DPH6: variants seen among roughly 807,000 people sequenced by gnomAD.
DPH6 encodes diphthine--ammonia ligase.
Under a neutral mutation model 38.2 loss-of-function variants are expected in DPH6, and 33 were observed. That is an observed-to-expected ratio of 0.86 (90% CI 0.65 to 1.15). The LOEUF (loss-of-function observed/expected upper bound fraction) is 1.15. Among genes scored for constraint, DPH6 ranks in the 50% most tolerant of loss-of-function variants. The pLI, the probability that DPH6 is intolerant of heterozygous loss-of-function variation, is 0.00. For synonymous variants in DPH6, 108 were observed against 103.0 expected, an observed-to-expected ratio of 1.05 and a Z score of -0.30; for missense variants, 325 against 320.0, an observed-to-expected ratio of 1.02 and a Z score of -0.12.
At chr15:35,315,309 A>T (rs1339098116) in intron 3 of DPH6, among the ~76,000 whole-genome samples, 1 of 152,246 alleles carries the variant, frequency 6.6e-6, no homozygotes, top group Non-Finnish European at 1.5e-5. Flanking sequence ...ATGCTTTCCA[A>T]GAGTTTGTTG....
intron 3 of DPH6, among the ~76,000 whole-genome samples, chr15:35,363,708 C>T (rs1044216912): frequency 1.3e-5 from 2 of 151,706 alleles, no homozygotes; most frequent in African/African-American, 4.8e-5. Flanking sequence ...TACTGTTTTG[C>T]CTTTTTTCTT....
In DPH6 at chr15:35,356,183, T is replaced by C. The variant is rs186354606; in HGVS notation, n.207+17338A>G. On this transcript the variant is annotated intron_variant and non_coding_transcript_variant, in intron 3 of 3. Coordinates refer to the DPH6 transcript ENST00000558973. ...ATTGGTTATTCTAGTTAGTCAGTCA[T>C]GTAATCTTTTCTCAAGGTTTTTAAC... Among the ~76,000 whole-genome samples, 27 of 152,310 alleles carry C rather than the reference T, an allele frequency of 1.8e-4. No individual in the cohort carries two copies. In the East Asian group the frequency reaches 4.8e-3, roughly 27 times the overall value.
At chr15:35,542,602 T>C (rs2055269929) in intron 1 of DPH6, 95 bp from the exon 2 acceptor site, 1 of 1,196,438 alleles carries the variant, frequency 8.4e-7, no homozygotes, top group Non-Finnish European at 1.2e-6. Flanking sequence ...ATCATTTACT[T>C]GACTCTTCAG....
At chr15:35,455,384 T>C (rs748018683) in intron 3 of DPH6, among the ~76,000 whole-genome samples, 2 of 152,132 alleles carry the variant, frequency 1.3e-5, no homozygotes, top group African/African-American at 2.4e-5. Context: ...ATTATCAACA[T>C]AGTTGCAACT....
At chr15:35,418,592 T>A (rs911317601) in intron 5 of DPH6, among the ~76,000 whole-genome samples, 1 of 152,138 alleles carries the variant, frequency 6.6e-6, no homozygotes, top group African/African-American at 2.4e-5. Flanking sequence ...TACTTGCATG[T>A]ATCAATGGGA....
At chr15:35,170,943 C>G in the DPH6 span, among the ~76,000 whole-genome samples, 6 of 152,188 alleles carry the variant, frequency 3.9e-5, no homozygotes. Context: ...TGCAGAAATT[C>G]AGCATTATAA....
intron 3 of DPH6, among the ~76,000 whole-genome samples, chr15:35,334,456 G>T (rs2052351976): frequency 6.6e-6 from 1 of 151,940 alleles, no homozygotes; most frequent in Non-Finnish European, 1.5e-5. Flanking sequence ...TGTAACATAG[G>T]TAAATGTGTG....
At chr15:35,285,394 A>G (rs910558618) in intron 3 of DPH6, among the ~76,000 whole-genome samples, 25 of 152,088 alleles carry the variant, frequency 1.6e-4, no homozygotes, top group Non-Finnish European at 5.9e-5. Flanking sequence ...TATTCCCATG[A>G]TAGGGAATAA....
chr15:35,461,010 T>C (rs1052947764), intron 3 of DPH6, among the ~76,000 whole-genome samples: 1 of 151,408 alleles, frequency 6.6e-6, no homozygotes, highest in African/African-American at 2.4e-5. Context: ...AATAAATATA[T>C]CAATACAATG....
chr15:35,163,983 A>T, the DPH6 span, among the ~76,000 whole-genome samples: 1 of 151,896 alleles, frequency 6.6e-6, no homozygotes, highest in Non-Finnish European at 1.5e-5. Context: ...AAGCAATGTG[A>T]GTGGTAAACA....
chr15:35,304,631 G>A (rs1001089949), intron 3 of DPH6, among the ~76,000 whole-genome samples: 2 of 151,980 alleles, frequency 1.3e-5, no homozygotes, highest in Non-Finnish European at 2.9e-5. Context: ...CCACAGTTAA[G>A]TATATTCTAA....
Position 35,235,028 on chromosome 15 carries a change from G to A in DPH6, n.201-14446C>T, listed in dbSNP as rs140071831. On this transcript the variant is annotated intron_variant and non_coding_transcript_variant, in intron 3 of 3. Coordinates refer to the DPH6 transcript ENST00000560386. ...TTAACTGATATCAAGGAAAACATAG[G>A]TCTTCAGTCAGGCTCTACTTCTATC... 6.7e-3 allele frequency among the ~76,000 whole-genome samples: 1,020 copies of A among 152,318 alleles called. 4 individuals are homozygous for A. The highest frequency in any genetic ancestry group is 0.011 in the Non-Finnish European group (757 of 68,022).
chr15:35,411,445 C>T (rs551551069), intron 5 of DPH6, among the ~76,000 whole-genome samples: 14 of 151,580 alleles, frequency 9.2e-5, no homozygotes, highest in Non-Finnish European at 1.6e-4. Flanking sequence ...ATGACTCCTT[C>T]GCAACACTGT....
intron 5 of DPH6, among the ~76,000 whole-genome samples, chr15:35,432,060 G>A (rs892652672): frequency 6.6e-6 from 1 of 152,130 alleles, no homozygotes; most frequent in African/African-American, 2.4e-5. Flanking sequence ...TAATAAATAT[G>A]TATTCAAAGG....
In DPH6 at chr15:35,447,854, T is replaced by TC. The variant is rs201803695; in HGVS notation, c.505+2830dup. Among the ~76,000 whole-genome samples the TC allele has an allele frequency of 5.7e-3, 871 of 152,234 alleles. 9 individuals carry two copies. The highest frequency in any genetic ancestry group is 0.016 in the African/African-American group (683 of 41,532). ...GATATATAGTTGTGTACTTGCCTCC[T>TC]CCCCCATCATCTCATTCCTATATCG... On this transcript the variant is annotated intron_variant, in intron 5 of 8. Coordinates refer to ENST00000256538, the MANE Select transcript of DPH6 (RefSeq NM_080650.4).
intron 5 of DPH6, among the ~76,000 whole-genome samples, chr15:35,440,854 T>A (rs1423403379): frequency 6.6e-6 from 1 of 152,120 alleles, no homozygotes; most frequent in Non-Finnish European, 1.5e-5. Context: ...GAAACTATCA[T>A]GAGAGTGAAC....
intron 3 of DPH6, among the ~76,000 whole-genome samples, chr15:35,284,366 A>C (rs866901463): frequency 3.9e-5 from 6 of 152,106 alleles, no homozygotes; most frequent in Admixed American, 1.3e-4. Context: ...TTTTCCCCCT[A>C]AGGTAAAATG....
intron 6 of DPH6, among the ~76,000 whole-genome samples, chr15:35,391,297 A>G (rs943442025): frequency 2.0e-5 from 3 of 152,180 alleles, no homozygotes; most frequent in African/African-American, 7.2e-5. Context: ...TCAGGGACCC[A>G]CTTGAGGAGG....
chr15:35,503,367 A>T (rs1414485609), intron 3 of DPH6, among the ~76,000 whole-genome samples: 3 of 152,098 alleles, frequency 2.0e-5, no homozygotes, highest in Non-Finnish European at 4.4e-5. Flanking sequence ...GACTCAGGGC[A>T]GTTTGACAAC....
Sources: gnomAD v4.1 joint callset for allele counts (sites outside exome capture counted in the v4.1 genomes callset) on GRCh38, gnomAD v4.1.1 for gene constraint, MANE v1.5 for transcripts, NCBI Gene and HGNC (gene_info 2026-07-23, HGNC 2026-07-21) for gene names.